The following CELF2 variants were observed in gnomAD, a reference collection of about 807,000 sequenced individuals.
CELF2 encodes the protein CUG triplet repeat RNA-binding protein 2.
CELF2 carries 8 observed loss-of-function variants against 62.6 expected under a neutral mutation model. The ratio of observed to expected loss-of-function variants is 0.13; its 90% CI spans 0.07 to 0.23. The LOEUF is 0.23. CELF2 is among the 10% of genes least tolerant of loss of function. The pLI, the probability that CELF2 is intolerant of heterozygous loss-of-function variation, is 1.00. For missense variants in CELF2, 333 were observed against 671.0 expected, an observed-to-expected ratio of 0.50 and a Z score of 5.56; for synonymous variants, 258 against 250.0, an observed-to-expected ratio of 1.03 and a Z score of -0.30.
chr10:10,675,974 C>T, the CELF2 span, among the ~76,000 whole-genome samples: 2 of 152,272 alleles, frequency 1.3e-5, no homozygotes, highest in East Asian at 3.9e-4. Flanking sequence ...CTTGCTGTAT[C>T]TCTTCAAACT....
chr10:10,766,075 G>A, the CELF2 span, among the ~76,000 whole-genome samples: 1 of 152,174 alleles, frequency 6.6e-6, no homozygotes, highest in African/African-American at 2.4e-5. Flanking sequence ...GTAAGTAAGT[G>A]TCCCATCCAC....
intron 1 of CELF2, among the ~76,000 whole-genome samples, chr10:10,816,341 C>T (rs764698982): frequency 6.6e-6 from 1 of 152,134 alleles, no homozygotes; most frequent in Admixed American, 6.5e-5. Context: ...TAGGGTGACT[C>T]TAGGAGCTGG....
chr10:10,640,904 C>T, the CELF2 span, among the ~76,000 whole-genome samples: 1 of 152,288 alleles, frequency 6.6e-6, no homozygotes, highest in African/African-American at 2.4e-5. Flanking sequence ...CTTTGTTTCC[C>T]TCCACATTGC....
Position 11,296,342 on chromosome 10 carries a change from C to G in CELF2, c.976+7790C>G, listed in dbSNP as rs557534492. 2.6e-5 allele frequency among the ~76,000 whole-genome samples: 4 copies of G among 152,246 alleles called. No homozygotes were observed. In the East Asian group the frequency reaches 5.8e-4, roughly 22 times the overall value. ...ATTGTGGCAAATCCACATCAGATCC[C>G]CTTGTGATGTTTATATGAGCTCAGG... is the stretch of plus-strand genomic sequence containing the variant. On this transcript the variant is annotated intron_variant, in intron 9 of 12. Coordinates refer to ENST00000633077, the MANE Select transcript of CELF2 (RefSeq NM_001326342.2). The surrounding 1 kb of genome is among the most constrained non-coding windows in gnomAD (Gnocchi z 5.0).
the CELF2 span, among the ~76,000 whole-genome samples, chr10:10,502,914 A>C: frequency 6.6e-6 from 1 of 151,942 alleles, no homozygotes; most frequent in Non-Finnish European, 1.5e-5. Context: ...TGTATCCCCC[A>C]AAATTTTATT....
chr10:10,556,305 A>G, the CELF2 span, among the ~76,000 whole-genome samples: 21 of 151,658 alleles, frequency 1.4e-4, no homozygotes, highest in African/African-American at 4.4e-4. Flanking sequence ...TTCTTGTGAT[A>G]GTTTACTGAG....
At chr10:10,818,714 CATGGGATAG>C in intron 1 of CELF2, among the ~76,000 whole-genome samples, 1 of 152,000 alleles carries the variant, frequency 6.6e-6, no homozygotes, top group Admixed American at 6.6e-5. Context: ...GGGGTTATGC[CATGGGATAG>C]CTGCCATCAT....
chr10:11,286,716 CT>C (rs926389865), intron 8 of CELF2, among the ~76,000 whole-genome samples: 1 of 152,166 alleles, frequency 6.6e-6, no homozygotes, highest in Non-Finnish European at 1.5e-5. Flanking sequence ...AGAGTGCTTT[CT>C]TTTGATTATG....
Position 10,949,517 on chromosome 10 carries a change from C to A in CELF2, c.89+29518C>A, listed in dbSNP as rs146894221. Among the ~76,000 whole-genome samples the A allele has an allele frequency of 8.0e-4, 122 of 152,116 alleles. 1 individual carries two copies. Among genetic ancestry groups the A allele is most frequent in the African/African-American group, 2.0e-3 (84 of 41,486 alleles). Reference sequence around the variant, plus strand: ...TTAAAAACCTCACCCAGAGGCCAGGCATGGTGGCTCATGCCTGTAATCTCA... The same window carrying A: ...TTAAAAACCTCACCCAGAGGCCAGGAATGGTGGCTCATGCCTGTAATCTCA... On this transcript the variant is annotated intron_variant, in intron 2 of 13. Transcript: ENST00000636488.
rs2096070271 is a variant in CELF2 at position 11,333,696 on chromosome 10, G to A, written c.*4643G>A. On this transcript the variant is annotated 3_prime_UTR_variant, in exon 13 of 13. Transcript: ENST00000633077. ...AATTACAAAATAGTTTTTAAATATT[G>A]TCTGAGAAAAGCCAAAGTTAATGCA... The A allele has an allele frequency of 6.6e-6, 1 of 152,330 alleles. No homozygotes were observed. Among genetic ancestry groups the A allele is most frequent in the African/African-American group, 2.4e-5 (1 of 41,350 alleles). 9.4% of individuals were successfully genotyped at this position (152,330 alleles called of 1,614,324 possible). A position where few individuals can be genotyped will look rare whatever the true frequency, so the allele number is the denominator to read the frequency against.
At chr10:10,696,125 C>T in the CELF2 span, among the ~76,000 whole-genome samples, 1 of 152,112 alleles carries the variant, frequency 6.6e-6, no homozygotes, top group South Asian at 2.1e-4. Context: ...GTTTTTTCCC[C>T]ATCTTTGTGG....
chr10:10,768,455 C>T, the CELF2 span, among the ~76,000 whole-genome samples: 1 of 152,128 alleles, frequency 6.6e-6, no homozygotes, highest in Non-Finnish European at 1.5e-5. Flanking sequence ...ACAAGTATCC[C>T]AAGGCCCTGG....
chr10:10,574,878 T>C, the CELF2 span, among the ~76,000 whole-genome samples: 1,392 of 83,438 alleles, frequency 0.017, 57 homozygotes, highest in East Asian at 0.18. Flanking sequence ...CCTGGTTTTT[T>C]TTTTTTTTTT....
At chr10:10,920,890 G>A (rs571286353) in intron 2 of CELF2, among the ~76,000 whole-genome samples, 1 of 152,152 alleles carries the variant, frequency 6.6e-6, no homozygotes, top group African/African-American at 2.4e-5. Context: ...TATTTTGCTG[G>A]GCATTGAATG....
Position 11,093,225 on chromosome 10 carries a change from C to T in CELF2, c.75-72261C>T, listed in dbSNP as rs79461595. Among the ~76,000 whole-genome samples, 882 of 150,446 alleles carry T rather than the reference C, an allele frequency of 5.9e-3. 20 individuals carry two copies. The highest frequency in any genetic ancestry group is 0.041 in the East Asian group (210 of 5,172). ...ATTTGTGGGACATTTGGTCTGTTCCCTCTTGAGATGGTGTTTATTGGGCCA... is the reference window on the plus strand; with the variant it reads ...ATTTGTGGGACATTTGGTCTGTTCCTTCTTGAGATGGTGTTTATTGGGCCA... On this transcript the variant is annotated intron_variant, in intron 1 of 12. Transcript: ENST00000633077.
At chr10:10,829,551 A>G (rs761953963) in intron 1 of CELF2, among the ~76,000 whole-genome samples, 5 of 152,218 alleles carry the variant, frequency 3.3e-5, no homozygotes, top group Admixed American at 2.6e-4. Context: ...CCATAATTTT[A>G]TGGAATTTGG....
chr10:10,581,524 G>T, the CELF2 span, among the ~76,000 whole-genome samples: 2 of 152,122 alleles, frequency 1.3e-5, no homozygotes, highest in Non-Finnish European at 2.9e-5. Flanking sequence ...ACCAACACAA[G>T]TAACAGAAAA....
rs557404331 is a variant in CELF2, at chr10:11,141,422, A to T, written c.75-24064A>T. Among the ~76,000 whole-genome samples the T allele has an allele frequency of 2.0e-5, 3 of 152,360 alleles. No individual in the cohort carries two copies. The South Asian group carries it at 6.2e-4, about 32-fold the overall frequency. On this transcript the variant is annotated intron_variant, in intron 1 of 12. Coordinates refer to ENST00000633077, the MANE Select transcript of CELF2 (RefSeq NM_001326342.2). Reference sequence around the variant, plus strand: ...GATGGGAAGAGTGAGGCTATAAAATAAGCCACAAGAAAGCTCCTGAAAAGC... The same window carrying T: ...GATGGGAAGAGTGAGGCTATAAAATTAGCCACAAGAAAGCTCCTGAAAAGC...
At chr10:10,603,669 G>C in the CELF2 span, among the ~76,000 whole-genome samples, 1 of 152,078 alleles carries the variant, frequency 6.6e-6, no homozygotes, top group Middle Eastern at 3.2e-3. Flanking sequence ...AAGGATAAGT[G>C]CCTTTTCTCT....
Sources: gnomAD v4.1 joint callset for allele counts (sites outside exome capture counted in the v4.1 genomes callset) on GRCh38, gnomAD v4.1.1 for gene constraint, Gnocchi (gnomAD v3.1) non-coding constraint, MANE v1.5 for transcripts, NCBI Gene and HGNC (gene_info 2026-07-23, HGNC 2026-07-21) for gene names.